LHFPL3: variants seen among roughly 807,000 people sequenced by gnomAD.
The protein encoded by LHFPL3 is LHFPL tetraspan subfamily member 3 protein.
LHFPL3 carries 5 observed loss-of-function variants against 19.3 expected under a neutral mutation model. That is an observed-to-expected ratio of 0.26 (90% CI 0.14 to 0.54). LHFPL3 has a LOEUF of 0.54. Ranked by LOEUF, LHFPL3 falls within the 20% of genes least tolerant of loss-of-function variation. The pLI is 0.94. For synonymous variants in LHFPL3, 133 were observed against 126.2 expected, an observed-to-expected ratio of 1.05 and a Z score of -0.36; for missense variants, 249 against 307.4, an observed-to-expected ratio of 0.81 and a Z score of 1.42.
At chr7:104,689,995 G>T (rs1181252534) in intron 1 of LHFPL3, among the ~76,000 whole-genome samples, 1 of 148,100 alleles carries the variant, frequency 6.8e-6, no homozygotes, top group Non-Finnish European at 1.5e-5. Flanking sequence ...TGCCATTAGA[G>T]CTGCCTCTAC....
intron 1 of LHFPL3, among the ~76,000 whole-genome samples, chr7:104,352,047 A>G (rs1790184849): frequency 1.3e-5 from 2 of 152,038 alleles, no homozygotes; most frequent in Admixed American, 1.3e-4. Context: ...AAAAATAAAA[A>G]TAAAAAATTA....
At chr7:104,801,988 G>A (rs1026409016) in intron 2 of LHFPL3, among the ~76,000 whole-genome samples, 2 of 152,128 alleles carry the variant, frequency 1.3e-5, no homozygotes, top group African/African-American at 4.8e-5. Context: ...AATTTGTGCT[G>A]TAGTGAGACG....
intron 1 of LHFPL3, among the ~76,000 whole-genome samples, chr7:104,440,967 A>T (rs1289781656): frequency 6.6e-6 from 1 of 152,170 alleles, no homozygotes. Context: ...CACCACAATC[A>T]AGGTAATAAA....
chr7:104,532,798 C>A (rs1794326847), intron 1 of LHFPL3, among the ~76,000 whole-genome samples: 1 of 152,148 alleles, frequency 6.6e-6, no homozygotes, highest in African/African-American at 2.4e-5. Flanking sequence ...TACATACATT[C>A]TCAAAGGCCT....
intron 1 of LHFPL3, among the ~76,000 whole-genome samples, chr7:104,519,701 T>C (rs1231932474): frequency 6.6e-6 from 1 of 152,144 alleles, no homozygotes. Context: ...GGTCATGGCG[T>C]TAATGACTGT....
At chr7:104,750,463 C>T (rs1245494721) in intron 2 of LHFPL3, among the ~76,000 whole-genome samples, 1 of 151,928 alleles carries the variant, frequency 6.6e-6, no homozygotes, top group East Asian at 1.9e-4. Context: ...TAGACTGGCA[C>T]TCCAAGGAAT....
In LHFPL3 at chr7:104,497,250, T is replaced by C. The variant is rs73407624; in HGVS notation, c.445+168026T>C. 8.7e-3 allele frequency among the ~76,000 whole-genome samples: 1,290 copies of C among 148,410 alleles called. 12 individuals carry two copies. The highest frequency in any genetic ancestry group is 0.031 in the African/African-American group (1,249 of 40,078). ...ATGTGTCAGAACAAAACATTGCAAATTTACCCAGTAAAGAAGATTCATATG... is the reference window on the plus strand; with the variant it reads ...ATGTGTCAGAACAAAACATTGCAAACTTACCCAGTAAAGAAGATTCATATG... On this transcript the variant is annotated intron_variant, in intron 1 of 2. Coordinates refer to ENST00000424859, the MANE Select transcript of LHFPL3 (RefSeq NM_199000.3).
chr7:104,560,643 A>G (rs143226469), intron 1 of LHFPL3, among the ~76,000 whole-genome samples: 1,471 of 129,940 alleles, frequency 0.011, 30 homozygotes, highest in Non-Finnish European at 0.013. Flanking sequence ...TCTTGGATTC[A>G]TTAATTTTTT....
At chr7:104,499,096 C>G (rs911280778) in intron 1 of LHFPL3, among the ~76,000 whole-genome samples, 7 of 152,064 alleles carry the variant, frequency 4.6e-5, no homozygotes, top group African/African-American at 1.7e-4. Context: ...AGTAATGGCA[C>G]AGTATATGAC....
At chr7:104,875,017 A>G (rs1159716840) in intron 2 of LHFPL3, among the ~76,000 whole-genome samples, 1 of 142,110 alleles carries the variant, frequency 7.0e-6, no homozygotes, top group Non-Finnish European at 1.6e-5. Context: ...TGGGGAATGT[A>G]TTTTTTTTTT....
intron 1 of LHFPL3, among the ~76,000 whole-genome samples, chr7:104,417,863 C>A (rs1216776335): frequency 1.6e-5 from 2 of 122,508 alleles, no homozygotes; most frequent in Non-Finnish European, 3.3e-5. Flanking sequence ...TCTAATTCTT[C>A]TTCTTCTTCT....
intron 1 of LHFPL3, among the ~76,000 whole-genome samples, chr7:104,709,533 G>A (rs965605690): frequency 3.3e-5 from 5 of 149,848 alleles, no homozygotes; most frequent in African/African-American, 1.2e-4. Flanking sequence ...ATGTTTCAGA[G>A]AGCACGGGGT....
chr7:104,491,469 G>T (rs544219462), intron 1 of LHFPL3, among the ~76,000 whole-genome samples: 6 of 134,694 alleles, frequency 4.5e-5, no homozygotes, highest in East Asian at 2.1e-4. Flanking sequence ...ATTTTTCCAT[G>T]TAAAAAAAAA....
At chr7:104,489,399 C>G (rs1793297409) in intron 1 of LHFPL3, among the ~76,000 whole-genome samples, 1 of 151,990 alleles carries the variant, frequency 6.6e-6, no homozygotes, top group South Asian at 2.1e-4. Context: ...TCATTTTGCA[C>G]TGGGTCTTGC....
intron 1 of LHFPL3, among the ~76,000 whole-genome samples, chr7:104,432,372 C>T (rs887417093): frequency 4.6e-5 from 7 of 152,136 alleles, no homozygotes; most frequent in African/African-American, 1.7e-4. Context: ...TGACTTGTGC[C>T]TCCTTCCTAA....
chr7:104,595,964 T>A (rs1321755116), intron 1 of LHFPL3, among the ~76,000 whole-genome samples: 1 of 152,240 alleles, frequency 6.6e-6, no homozygotes, highest in East Asian at 1.9e-4. Context: ...AAGTAGTCTG[T>A]CATGGCTTCC....
At chr7:104,541,587 A>G (rs546649399) in intron 1 of LHFPL3, among the ~76,000 whole-genome samples, 2 of 152,294 alleles carry the variant, frequency 1.3e-5, no homozygotes, top group Admixed American at 6.5e-5. Context: ...ACAAGTCTCT[A>G]TGGGACTTGT....
intron 1 of LHFPL3, among the ~76,000 whole-genome samples, chr7:104,390,169 A>G (rs1791036972): frequency 1.5e-5 from 2 of 132,332 alleles, no homozygotes; most frequent in Admixed American, 1.5e-4. Context: ...AAAAAGACTA[A>G]CAACCCAATT....
At chr7:104,755,253 A>G (rs980981381) in intron 2 of LHFPL3, among the ~76,000 whole-genome samples, 7 of 152,036 alleles carry the variant, frequency 4.6e-5, no homozygotes, top group Non-Finnish European at 5.9e-5. Flanking sequence ...AGTCTCTGCT[A>G]TGTCACATTT....
Sources: allele counts gnomAD v4.1 joint callset (sites outside exome capture counted in the v4.1 genomes callset), GRCh38; gene constraint gnomAD v4.1.1; transcripts MANE v1.5; gene names NCBI Gene and HGNC (gene_info 2026-07-23, HGNC 2026-07-21).